Variants in SIPA1L2 observed in about 807,000 individuals in gnomAD.
SIPA1L2 encodes the protein signal-induced proliferation-associated 1-like protein 2.
Under a neutral mutation model 163.9 loss-of-function variants are expected in SIPA1L2, and 56 were observed. The ratio of observed to expected loss-of-function variants is 0.34; its 90% CI spans 0.28 to 0.43. The LOEUF is 0.43. SIPA1L2 is among the 20% of genes least tolerant of loss of function. The probability of loss-of-function intolerance (pLI) is 1.00; values close to 1 mark genes in which losing one functional copy is unlikely to be tolerated. For synonymous variants in SIPA1L2, 877 were observed against 865.7 expected (o/e 1.01, Z -0.23); for missense variants, 1,974 against 2,193.5 (o/e 0.90, Z 2.00).
At chr1:232,559,111 A>G (rs1658891700) in intron 2 of SIPA1L2, among the ~76,000 whole-genome samples, 2 of 152,178 alleles carry the variant, frequency 1.3e-5, no homozygotes, top group Non-Finnish European at 2.9e-5. Flanking sequence ...AATTTACCCC[A>G]GCAACCCCAG....
intron 9 of SIPA1L2, among the ~76,000 whole-genome samples, chr1:232,461,374 T>G (rs1288126252): frequency 6.6e-6 from 1 of 152,248 alleles, no homozygotes; most frequent in Non-Finnish European, 1.5e-5. Context: ...TTGCATCAAG[T>G]GCAAAGAAAA....
chr1:232,501,073 T>TTTTTTTTTTTTA (rs71173222), intron 3 of SIPA1L2, among the ~76,000 whole-genome samples: 1 of 136,002 alleles, frequency 7.4e-6, no homozygotes, highest in African/African-American at 2.9e-5. Context: ...TTTTTTTTTT[T>TTTTTTTTTTTTA]GTGAGACAGA....
intron 1 of SIPA1L2, among the ~76,000 whole-genome samples, chr1:232,629,330 T>G (rs930535577): frequency 6.6e-6 from 1 of 152,098 alleles, no homozygotes; most frequent in East Asian, 1.9e-4. Flanking sequence ...GCTGGCAAAG[T>G]GGGAAGAAAG....
chr1:232,514,510 G>A lies in SIPA1L2; in HGVS notation c.830C>T (p.Pro277Leu), dbSNP rs777687340. The A allele has an allele frequency of 2.5e-5, 40 of 1,614,066 alleles. No homozygotes were observed. The highest frequency in any genetic ancestry group is 3.4e-5 in the Non-Finnish European group (40 of 1,180,046). ...ALLMGRDRDK[P>L]FKRRLKSESV... ...CTCTGATTTCAACCTCCGTTTGAAA[G>A]GCTTGTCCCTGTCTCTCCCCATCAG... Residue 277 changes from proline to leucine, a missense_variant, in exon 3 of 23, where the codon CCT becomes CTT. Around this residue, in one of 3 missense-constraint regions of SIPA1L2, gnomAD observed 607 missense variants for 624.0 expected, o/e 0.97. Coordinates refer to ENST00000674635, the MANE Select transcript of SIPA1L2 (RefSeq NM_020808.5).
chr1:232,462,192 C>A, intron 9 of SIPA1L2: 1 of 1,547,002 alleles, frequency 6.5e-7, no homozygotes, highest in African/African-American at 1.4e-5. Context: ...AAAGCACTCA[C>A]CGAGCATAGT....
chr1:232,630,045 C>T lies in SIPA1L2; in HGVS notation c.-495G>A, dbSNP rs1232881739. Among the ~76,000 whole-genome samples, 1 of 150,188 alleles carries T rather than the reference C, an allele frequency of 6.7e-6. No homozygotes were observed. The highest frequency in any genetic ancestry group is 2.4e-5 in the African/African-American group (1 of 41,200). ...GCTGGCTGCGGCTGGAGCTCTCGGC[C>T]TGCGCTCGGGCGGCCGGCGGGGGCG... On this transcript the variant is annotated 5_prime_UTR_variant, in exon 1 of 23. Coordinates refer to ENST00000674635, the MANE Select transcript of SIPA1L2 (RefSeq NM_020808.5).
intron 8 of SIPA1L2, among the ~76,000 whole-genome samples, chr1:232,469,207 C>A (rs909195189): frequency 1.4e-4 from 22 of 152,150 alleles, no homozygotes; most frequent in African/African-American, 5.1e-4. Flanking sequence ...CACTCAACAC[C>A]CGAAAAAAGC....
intron 1 of SIPA1L2, among the ~76,000 whole-genome samples, chr1:232,611,303 T>C (rs1291491105): frequency 6.6e-6 from 1 of 152,018 alleles, no homozygotes; most frequent in African/African-American, 2.4e-5. Flanking sequence ...TTGGTACCAG[T>C]AGAGTGGGGC....
chr1:232,425,462 TA>T lies in SIPA1L2; in HGVS notation c.4630+126del, dbSNP rs1661833164. On this transcript the variant is annotated intron_variant, in intron 18 of 22. Transcript: ENST00000674635. ...TTTGAAAATTATTTAAAACACCAAA[TA>T]ATATATATTTAATAAAAACAAAAAC... The T allele has an allele frequency of 4.5e-6, 3 of 665,010 alleles. No homozygotes were observed. The South Asian group carries it at 1.3e-4, about 28-fold the overall frequency. 41.2% of individuals were successfully genotyped at this position (665,010 alleles called of 1,614,324 possible). A position where few individuals can be genotyped will look rare whatever the true frequency, so the allele number is the denominator to read the frequency against.
At chr1:232,435,636 T>C (rs6424230) in intron 15 of SIPA1L2, among the ~76,000 whole-genome samples, 58,427 of 152,028 alleles carry the variant, frequency 0.38, 11,536 homozygotes, top group East Asian at 0.54. Flanking sequence ...GGGTTTGTTT[T>C]TGCAGTTGAT....
chr1:232,589,605 T>C (rs1331201097), intron 1 of SIPA1L2, among the ~76,000 whole-genome samples: 2 of 152,224 alleles, frequency 1.3e-5, no homozygotes, highest in African/African-American at 2.4e-5. Context: ...GTTCTAAAAA[T>C]ATCCTTGGCA....
At chr1:232,435,295 G>T (rs560408986) in intron 15 of SIPA1L2, among the ~76,000 whole-genome samples, 1 of 152,290 alleles carries the variant, frequency 6.6e-6, no homozygotes, top group African/African-American at 2.4e-5. Flanking sequence ...CTAAAAATTA[G>T]ATTTCATTAG....
intron 7 of SIPA1L2, 49 bp downstream of exon 7, chr1:232,479,578 C>A (rs1665218819): frequency 1.3e-6 from 2 of 1,483,884 alleles, no homozygotes; most frequent in Non-Finnish European, 1.9e-6. Context: ...GTGGGCCCAC[C>A]TCAGATTTCA....
chr1:232,553,386 G>GGGGA (rs1658515583), intron 2 of SIPA1L2, among the ~76,000 whole-genome samples: 1 of 152,172 alleles, frequency 6.6e-6, no homozygotes, highest in African/African-American at 2.4e-5. Context: ...CAGGACGGGG[G>GGGGA]GGCGTAGTGG....
intron 2 of SIPA1L2, among the ~76,000 whole-genome samples, chr1:232,532,401 A>G (rs966044939): frequency 4.6e-5 from 7 of 152,228 alleles, no homozygotes; most frequent in African/African-American, 1.7e-4. Flanking sequence ...GCTTATGAGC[A>G]CAAGGCCTGA....
intron 18 of SIPA1L2, among the ~76,000 whole-genome samples, chr1:232,419,080 G>A (rs1170647815): frequency 6.6e-6 from 1 of 152,206 alleles, no homozygotes; most frequent in African/African-American, 2.4e-5. Context: ...ATGTGACTGT[G>A]AAGCTTGGTG....
chr1:232,628,324 T>A (rs1011648318), intron 1 of SIPA1L2, among the ~76,000 whole-genome samples: 1 of 152,224 alleles, frequency 6.6e-6, no homozygotes, highest in African/African-American at 2.4e-5. Flanking sequence ...ATCAATGGAA[T>A]CTTTTAGGAA....
intron 1 of SIPA1L2, among the ~76,000 whole-genome samples, chr1:232,606,612 T>C (rs900667977): frequency 4.0e-5 from 6 of 149,280 alleles, no homozygotes; most frequent in African/African-American, 1.2e-4. Flanking sequence ...CAATGAATTA[T>C]ATTATTCATT....
At chr1:232,612,789 T>C (rs1251108601) in intron 1 of SIPA1L2, among the ~76,000 whole-genome samples, 2 of 152,166 alleles carry the variant, frequency 1.3e-5, no homozygotes, top group Admixed American at 6.5e-5. Context: ...TGAGTAGACA[T>C]TGGGGGACTG....
Sources: gnomAD v4.1 joint callset for allele counts (sites outside exome capture counted in the v4.1 genomes callset) on GRCh38, gnomAD v4.1.1 for gene constraint, gnomAD v4.1.1 regional missense constraint, MANE v1.5 for transcripts, NCBI Gene and HGNC (gene_info 2026-07-23, HGNC 2026-07-21) for gene names.